PPP2R5E: variants seen among roughly 807,000 people sequenced by gnomAD.
PPP2R5E encodes serine/threonine-protein phosphatase 2A 56 kDa regulatory subunit epsilon isoform.
PPP2R5E carries 4 observed loss-of-function variants against 65.3 expected under a neutral mutation model. The ratio of observed to expected loss-of-function variants is 0.06; its 90% CI spans 0.03 to 0.14. PPP2R5E has a LOEUF of 0.14. PPP2R5E is among the 10% of genes least tolerant of loss of function. The pLI is 1.00. For synonymous variants in PPP2R5E, 183 were observed against 187.4 expected (o/e 0.98, Z 0.19); for missense variants, 274 against 556.1 (o/e 0.49, Z 5.10).
intron 5 of PPP2R5E, among the ~76,000 whole-genome samples, chr14:63,400,547 GTTCT>G (rs1885687311): frequency 6.6e-6 from 1 of 152,132 alleles, no homozygotes; most frequent in African/African-American, 2.4e-5. Context: ...TACGTACTGA[GTTCT>G]TTCTATGTGC....
At chr14:63,421,715 G>C (rs1887035044) in intron 4 of PPP2R5E, among the ~76,000 whole-genome samples, 1 of 152,170 alleles carries the variant, frequency 6.6e-6, no homozygotes, top group Admixed American at 6.5e-5. Flanking sequence ...GGAGGCTCTA[G>C]AGGGCAGGAT....
rs1032564778 is a variant in PPP2R5E at position 63,371,768 on chromosome 14, C to T, written c.*4241G>A. On this transcript the variant is annotated 3_prime_UTR_variant, in exon 14 of 14. Transcript: ENST00000337537. ...ACACACACACAGCTAAATTTAAAAC[C>T]GATCATGAACCACAGCATTACTAAC... 3.9e-5 allele frequency: 6 copies of T among 151,992 alleles called. No homozygotes were observed. The highest frequency in any genetic ancestry group is 9.7e-5 in the African/African-American group (4 of 41,368). 9.4% of individuals were successfully genotyped at this position (151,992 alleles called of 1,614,324 possible).
chr14:63,538,261 CT>C (rs10709303), intron 2 of PPP2R5E, among the ~76,000 whole-genome samples: 56,783 of 146,058 alleles, frequency 0.39, 13,138 homozygotes, highest in African/African-American at 0.67. Context: ...CCTGCACTTT[CT>C]TTTTTTTTTT....
At chr14:63,377,860 T>C (rs951453316) in intron 13 of PPP2R5E, among the ~76,000 whole-genome samples, 7 of 152,240 alleles carry the variant, frequency 4.6e-5, no homozygotes, top group Admixed American at 2.0e-4. Flanking sequence ...CTGGCTTTTT[T>C]GTTTTTGCTT....
chr14:63,381,497 G>A (rs539676817), intron 13 of PPP2R5E, among the ~76,000 whole-genome samples: 78 of 152,090 alleles, frequency 5.1e-4, no homozygotes, highest in African/African-American at 1.8e-3. Flanking sequence ...TAACCCTGAG[G>A]CAGAAGTGAA....
chr14:63,389,587 GGC>G, intron 11 of PPP2R5E, 23 bp downstream of exon 11: 1 of 1,577,422 alleles, frequency 6.3e-7, no homozygotes, highest in Non-Finnish European at 8.6e-7. Context: ...CATGCTCCCT[GGC>G]TCATGTCCTC....
At chr14:63,438,250 C>T (rs1162148931) in intron 3 of PPP2R5E, among the ~76,000 whole-genome samples, 1 of 152,204 alleles carries the variant, frequency 6.6e-6, no homozygotes, top group African/African-American at 2.4e-5. Context: ...TGTGGTGTAA[C>T]CAGCTTCCTC....
intron 4 of PPP2R5E, among the ~76,000 whole-genome samples, chr14:63,417,595 T>C (rs1886772798): frequency 6.6e-6 from 1 of 152,200 alleles, no homozygotes; most frequent in East Asian, 1.9e-4. Flanking sequence ...GATGTTACTA[T>C]GCATACTTCC....
At chr14:63,382,289 G>A (rs1302992884) in intron 12 of PPP2R5E, 132 bp from the exon 13 acceptor site, 12 of 488,854 alleles carry the variant, frequency 2.5e-5, no homozygotes, top group Non-Finnish European at 3.8e-5. Flanking sequence ...TTTTTTAGTT[G>A]GAACAACTGA....
At chr14:63,443,740 T>C (rs1276444052) in intron 3 of PPP2R5E, among the ~76,000 whole-genome samples, 1 of 152,162 alleles carries the variant, frequency 6.6e-6, no homozygotes, top group Non-Finnish European at 1.5e-5. Flanking sequence ...ATCCAAAGCC[T>C]GCTCTCCCTA....
intron 2 of PPP2R5E, among the ~76,000 whole-genome samples, chr14:63,494,872 G>A (rs1891465381): frequency 6.6e-6 from 1 of 151,146 alleles, no homozygotes; most frequent in Admixed American, 6.6e-5. Context: ...ACACCAGGCT[G>A]AGCAATAGAG....
chr14:63,466,728 C>T (rs1042216263), intron 2 of PPP2R5E, among the ~76,000 whole-genome samples: 15 of 152,038 alleles, frequency 9.9e-5, no homozygotes, highest in East Asian at 1.9e-4. Context: ...ACAATAAAGA[C>T]GGAGAAACTT....
chr14:63,528,070 CA>C lies in PPP2R5E; in HGVS notation c.157+11458del, dbSNP rs138450783. On this transcript the variant is annotated intron_variant, in intron 2 of 13. Coordinates refer to ENST00000337537, the MANE Select transcript of PPP2R5E (RefSeq NM_006246.5). Reference sequence around the variant, plus strand: ...AAAAATAAGATTCCATATAAGTTTTCAAAAAAAAAACCTTCAAATACAAAAG... The same window carrying C: ...AAAAATAAGATTCCATATAAGTTTTCAAAAAAAAACCTTCAAATACAAAAG... Among the ~76,000 whole-genome samples, 435 of 145,320 alleles carry C rather than the reference CA, an allele frequency of 3.0e-3. 3 individuals are homozygous for C. The highest frequency in any genetic ancestry group is 3.7e-3 in the Non-Finnish European group (244 of 65,954).
chr14:63,536,595 C>T (rs1308602309), intron 2 of PPP2R5E, among the ~76,000 whole-genome samples: 1 of 152,166 alleles, frequency 6.6e-6, no homozygotes, highest in East Asian at 1.9e-4. Flanking sequence ...GCATTATTCA[C>T]AATAGCCTGA....
At chr14:63,456,456 T>C (rs573395116) in intron 2 of PPP2R5E, among the ~76,000 whole-genome samples, 81 of 152,394 alleles carry the variant, frequency 5.3e-4, no homozygotes, top group African/African-American at 1.9e-3. Context: ...GCTATCCACC[T>C]GTCCAGTGGA....
intron 2 of PPP2R5E, among the ~76,000 whole-genome samples, chr14:63,509,726 CT>C (rs1332309863): frequency 6.6e-6 from 1 of 152,126 alleles, no homozygotes; most frequent in Non-Finnish European, 1.5e-5. Context: ...TGCCTGTGGA[CT>C]AACAGAACCC....
At chr14:63,528,076 A>G (rs115999582) in intron 2 of PPP2R5E, among the ~76,000 whole-genome samples, 1 of 152,148 alleles carries the variant, frequency 6.6e-6, no homozygotes, top group Non-Finnish European at 1.5e-5. Flanking sequence ...TTTTCAAAAA[A>G]AAAACCTTCA....
chr14:63,527,720 G>T (rs1037948501), intron 2 of PPP2R5E, among the ~76,000 whole-genome samples: 1 of 152,068 alleles, frequency 6.6e-6, no homozygotes. Flanking sequence ...CGAATCACAC[G>T]GTCAGGAGTT....
intron 2 of PPP2R5E, among the ~76,000 whole-genome samples, chr14:63,501,892 T>C (rs1472328310): frequency 2.0e-5 from 3 of 152,116 alleles, no homozygotes; most frequent in Non-Finnish European, 4.4e-5. Flanking sequence ...AATTAGAGTT[T>C]TGTTAATTTT....
Sources: allele counts gnomAD v4.1 joint callset (sites outside exome capture counted in the v4.1 genomes callset), GRCh38; gene constraint gnomAD v4.1.1; transcripts MANE v1.5; gene names NCBI Gene and HGNC (gene_info 2026-07-23, HGNC 2026-07-21).